Variants in MDGA2 observed in about 807,000 individuals in gnomAD.
MDGA2 encodes the protein MAM domain-containing glycosylphosphatidylinositol anchor protein 2.
In MDGA2, 40 loss-of-function variants were observed where a neutral mutation model predicts 117.8. The observed-to-expected ratio is 0.34, with a 90% CI of 0.26 to 0.44. MDGA2 has a LOEUF of 0.44. Among genes scored for constraint, MDGA2 ranks in the 20% least tolerant of loss-of-function variants. The probability of loss-of-function intolerance (pLI) is 1.00; values close to 1 mark genes in which losing one functional copy is unlikely to be tolerated. For synonymous variants in MDGA2, 452 were observed against 439.0 expected (o/e 1.03, Z -0.37); for missense variants, 1,123 against 1,250.6 (o/e 0.90, Z 1.54).
chr14:47,127,411 C>G (rs1365515158), intron 5 of MDGA2, among the ~76,000 whole-genome samples: 3 of 152,072 alleles, frequency 2.0e-5, no homozygotes, highest in Admixed American at 6.6e-5. Context: ...ATTTATTTCA[C>G]CTATTTGAAA....
intron 2 of MDGA2, among the ~76,000 whole-genome samples, chr14:47,251,946 T>C (rs1055672011): frequency 6.6e-6 from 1 of 151,796 alleles, no homozygotes; most frequent in Non-Finnish European, 1.5e-5. Context: ...ATTATTATTA[T>C]TATTATTATT....
intron 1 of MDGA2, among the ~76,000 whole-genome samples, chr14:47,441,583 C>T (rs1893012412): frequency 6.6e-6 from 1 of 152,088 alleles, no homozygotes; most frequent in Admixed American, 6.6e-5. Flanking sequence ...TTACATTAAG[C>T]ATCAATAAGT....
At chr14:46,922,277 T>C (rs991632795) in intron 9 of MDGA2, among the ~76,000 whole-genome samples, 3 of 152,148 alleles carry the variant, frequency 2.0e-5, no homozygotes, top group Non-Finnish European at 4.4e-5. Context: ...CCTACCTCAG[T>C]AGACTATAAA....
At chr14:47,341,353 CAT>C (rs1325097024) in intron 1 of MDGA2, among the ~76,000 whole-genome samples, 9 of 152,308 alleles carry the variant, frequency 5.9e-5, no homozygotes, top group African/African-American at 1.2e-4. Context: ...TGATTTTACA[CAT>C]GTCATAGAGT....
chr14:47,485,332 G>A (rs1463253520), intron 1 of MDGA2, among the ~76,000 whole-genome samples: 1 of 152,132 alleles, frequency 6.6e-6, no homozygotes, highest in African/African-American at 2.4e-5. Flanking sequence ...TTGAACTTGA[G>A]AGAGTGATTT....
chr14:47,118,143 T>C (rs570920902), intron 5 of MDGA2, among the ~76,000 whole-genome samples: 1 of 152,290 alleles, frequency 6.6e-6, no homozygotes, highest in Non-Finnish European at 1.5e-5. Context: ...CTTAGTATTG[T>C]TATCACAGAT....
intron 1 of MDGA2, among the ~76,000 whole-genome samples, chr14:47,505,655 C>T (rs1298673002): frequency 2.6e-5 from 4 of 151,984 alleles, no homozygotes; most frequent in Admixed American, 1.3e-4. Flanking sequence ...CCTAATTCTC[C>T]CTTAGTTTTC....
intron 1 of MDGA2, among the ~76,000 whole-genome samples, chr14:47,340,980 T>C (rs1464173752): frequency 6.6e-6 from 1 of 152,184 alleles, no homozygotes; most frequent in East Asian, 1.9e-4. Context: ...GTTGGTTGCT[T>C]GTACTGATGA....
At chr14:47,369,856 A>T (rs1034171039) in intron 1 of MDGA2, among the ~76,000 whole-genome samples, 6 of 152,048 alleles carry the variant, frequency 3.9e-5, no homozygotes, top group African/African-American at 1.4e-4. Flanking sequence ...TGTAGCATAT[A>T]ACTAGGCACT....
At chr14:47,578,796 G>A (rs1896174126) in intron 1 of MDGA2, among the ~76,000 whole-genome samples, 1 of 152,044 alleles carries the variant, frequency 6.6e-6, no homozygotes, top group Admixed American at 6.6e-5. Flanking sequence ...CATTGTTAGA[G>A]GCTACATGAT....
At chr14:47,402,670 AT>A (rs1321822944) in intron 1 of MDGA2, among the ~76,000 whole-genome samples, 5 of 152,132 alleles carry the variant, frequency 3.3e-5, no homozygotes, top group African/African-American at 1.2e-4. Flanking sequence ...AAATTTTTGC[AT>A]TTGTATAGCA....
chr14:47,326,473 T>C (rs1440578161), intron 1 of MDGA2, among the ~76,000 whole-genome samples: 3 of 152,050 alleles, frequency 2.0e-5, no homozygotes, highest in Non-Finnish European at 4.4e-5. Flanking sequence ...ACCCCTCAAA[T>C]AGCTTTCCAA....
chr14:47,144,014 T>C, intron 4 of MDGA2, 64 bp downstream of exon 4: 4 of 1,208,218 alleles, frequency 3.3e-6, no homozygotes, highest in South Asian at 1.9e-5. Flanking sequence ...TATGAATTCA[T>C]GCTGCCTGAA....
intron 8 of MDGA2, among the ~76,000 whole-genome samples, chr14:47,020,345 T>C (rs1328779435): frequency 2.0e-5 from 3 of 152,208 alleles, no homozygotes; most frequent in Non-Finnish European, 4.4e-5. Context: ...CAAAACTCTA[T>C]AATTATGGTC....
intron 1 of MDGA2, among the ~76,000 whole-genome samples, chr14:47,577,402 G>A (rs563697326): frequency 2.3e-4 from 35 of 152,108 alleles, no homozygotes; most frequent in Admixed American, 3.3e-4. Flanking sequence ...TGATGCAAAC[G>A]CCAAAAGCAA....
intron 4 of MDGA2, among the ~76,000 whole-genome samples, chr14:47,143,449 C>T (rs1233903718): frequency 2.0e-5 from 3 of 152,222 alleles, no homozygotes; most frequent in East Asian, 3.9e-4. Flanking sequence ...ATATCTTCCT[C>T]AGGACTTATT....
At chr14:47,667,684 T>C (rs1315714630) in intron 1 of MDGA2, among the ~76,000 whole-genome samples, 3 of 152,230 alleles carry the variant, frequency 2.0e-5, no homozygotes. Flanking sequence ...ATCTCAGCTG[T>C]CTTTTGTGCT....
intron 1 of MDGA2, among the ~76,000 whole-genome samples, chr14:47,668,611 T>C (rs916611175): frequency 6.6e-6 from 1 of 152,260 alleles, no homozygotes; most frequent in African/African-American, 2.4e-5. Context: ...CTAAGTAATA[T>C]AGTGTTTACA....
At chr14:46,965,861 G>C (rs1256978182) in intron 8 of MDGA2, among the ~76,000 whole-genome samples, 1 of 152,118 alleles carries the variant, frequency 6.6e-6, no homozygotes, top group Non-Finnish European at 1.5e-5. Context: ...TATTCAACAT[G>C]AAGGAAATGA....
Sources: allele counts gnomAD v4.1 joint callset (sites outside exome capture counted in the v4.1 genomes callset), GRCh38; gene constraint gnomAD v4.1.1; transcripts MANE v1.5; gene names NCBI Gene and HGNC (gene_info 2026-07-23, HGNC 2026-07-21).